DDHD2: variants seen among roughly 807,000 people sequenced by gnomAD.
The protein encoded by DDHD2 is triacylglycerol hydrolase DDHD2.
A neutral mutation model predicts 91.2 loss-of-function variants in DDHD2; 62 were observed. The observed-to-expected ratio is 0.68, with a 90% CI of 0.55 to 0.84. The LOEUF (loss-of-function observed/expected upper bound fraction) is 0.84. Ranked by LOEUF, DDHD2 falls within the 40% of genes least tolerant of loss-of-function variation. DDHD2 has a pLI of 0.00. For synonymous variants in DDHD2, 271 were observed against 293.9 expected (o/e 0.92, Z 0.80); for missense variants, 740 against 846.9 (o/e 0.87, Z 1.57).
intron 1 of DDHD2, chr8:38,268,997 G>A (rs1808222304): frequency 1.3e-6 from 2 of 1,577,752 alleles, no homozygotes; most frequent in South Asian, 2.3e-5. Context: ...CACCCTAGAG[G>A]GGAACAAAGA....
intron 5 of DDHD2, among the ~76,000 whole-genome samples, chr8:38,239,246 C>A (rs1046394213): frequency 6.6e-6 from 1 of 151,658 alleles, no homozygotes; most frequent in Non-Finnish European, 1.5e-5. Context: ...TGGTAGCACA[C>A]ATCTGTAGTC....
At position 38,231,656 on chromosome 8, in the gene DDHD2, C is replaced by G. The variant is rs1177772787; in HGVS notation, c.-212C>G. On this transcript the variant is annotated 5_prime_UTR_variant, in exon 1 of 18. Coordinates refer to ENST00000397166, the MANE Select transcript of DDHD2 (RefSeq NM_015214.3). ...GGTCGCGCGCCGCGCTCCCCGCCGC[C>G]TCACCTTTTCGCCTGGCATCCGGGC... 2.0e-5 allele frequency: 3 copies of G among 152,306 alleles called. No individual in the cohort carries two copies. The highest frequency in any genetic ancestry group is 4.4e-5 in the Non-Finnish European group (3 of 68,232). The allele number at this position is 152,306 out of a possible 1,614,324, so 9.4% of individuals were successfully genotyped here. A position where few individuals can be genotyped will look rare whatever the true frequency, so the allele number is the denominator to read the frequency against.
At chr8:38,272,929 T>A (rs1184814965), downstream of DDHD2, 2 of 152,222 alleles carry the variant, frequency 1.3e-5, no homozygotes, top group Non-Finnish European at 2.9e-5. Flanking sequence ...TAGGTCAACA[T>A]TGACGCTATG....
downstream of DDHD2, chr8:38,263,350 C>CT (rs1563321808): frequency 4.1e-6 from 4 of 980,364 alleles, no homozygotes; most frequent in Non-Finnish European, 3.6e-6. Flanking sequence ...ATGACGATAC[C>CT]TGTCATTTTT....
intron 7 of DDHD2, among the ~76,000 whole-genome samples, chr8:38,243,581 T>G (rs16887275): frequency 0.22 from 34,022 of 151,990 alleles, 3,980 homozygotes; most frequent in East Asian, 0.31. Context: ...TCTTCATACC[T>G]TATCTAATGC....
At chr8:38,267,933 C>A (rs1361185820) in intron 1 of DDHD2, 1 of 1,613,860 alleles carries the variant, frequency 6.2e-7, no homozygotes, top group Non-Finnish European at 8.5e-7. Flanking sequence ...GGTAAAGACG[C>A]CATTCAGAGC....
chr8:38,247,334 C>T (rs1364530098), intron 9 of DDHD2: 1 of 154,548 alleles, frequency 6.5e-6, no homozygotes, highest in East Asian at 1.9e-4. Context: ...GTTGGTCAGA[C>T]TGGTCTTGAA....
At chr8:38,269,272 C>T in intron 1 of DDHD2, 2 of 1,330,958 alleles carry the variant, frequency 1.5e-6, no homozygotes, top group Non-Finnish European at 1.9e-6. Context: ...GGGAACTGGG[C>T]ACCGCCCCCT....
intron 16 of DDHD2, among the ~76,000 whole-genome samples, chr8:38,256,367 A>G (rs986788819): frequency 2.0e-5 from 3 of 152,114 alleles, no homozygotes; most frequent in African/African-American, 7.2e-5. Context: ...CAGTGACACA[A>G]TCATGGCTCA....
downstream of DDHD2, chr8:38,267,334 C>CAAG (rs773275274): frequency 1.9e-6 from 3 of 1,614,010 alleles, no homozygotes; most frequent in Non-Finnish European, 2.5e-6. Context: ...CTGTACACAT[C>CAAG]AAGTCAGAAT....
intron 3 of DDHD2, among the ~76,000 whole-genome samples, chr8:38,234,965 CAGAAAA>C (rs1243858489): frequency 6.6e-6 from 1 of 151,830 alleles, no homozygotes; most frequent in Non-Finnish European, 1.5e-5. Context: ...TATCTTTCCT[CAGAAAA>C]AGAACAAAAC....
At chr8:38,233,927 CAA>C (rs201616340) in intron 2 of DDHD2, among the ~76,000 whole-genome samples, 5 of 121,578 alleles carry the variant, frequency 4.1e-5, no homozygotes, top group African/African-American at 3.1e-5. Context: ...AGACTTGTCT[CAA>C]AAAAAAAAAA....
chr8:38,246,031 C>T, intron 8 of DDHD2, 81 bp downstream of exon 8: 1 of 1,410,856 alleles, frequency 7.1e-7, no homozygotes, highest in Admixed American at 1.7e-5. Flanking sequence ...TGTCTTTTAT[C>T]AGTATGAAAT....
chr8:38,258,953 C>T (rs565974241), intron 16 of DDHD2, among the ~76,000 whole-genome samples: 2 of 152,154 alleles, frequency 1.3e-5, no homozygotes, highest in African/African-American at 4.8e-5. Context: ...CTTGTGCATA[C>T]GTAGAATAAT....
Position 38,253,012 on chromosome 8 carries a change from T to C in DDHD2, c.1776T>C (p.Gly592=). ...MSMDLKNNLL[G]SLRMAWKSFT... ...TGGACCTTAAGAACAACTTGCTAGGTTCGCTGCGGATGGCCTGGAAGTCTT... is the reference window on the plus strand; with the variant it reads ...TGGACCTTAAGAACAACTTGCTAGGCTCGCTGCGGATGGCCTGGAAGTCTT... Residue 592 remains glycine, a synonymous_variant, in exon 15 of 18, where the codon GGT becomes GGC. Transcript: ENST00000397166. The C allele has an allele frequency of 6.2e-7, 1 of 1,614,114 alleles. No homozygotes were observed. The highest frequency in any genetic ancestry group is 8.5e-7 in the Non-Finnish European group (1 of 1,180,008).
rs1804268559 is a variant in DDHD2, at chr8:38,231,756, T to G, written c.-112T>G. 6.6e-6 allele frequency: 1 copy of G among 152,104 alleles called. No individual in the cohort carries two copies. The highest frequency in any genetic ancestry group is 2.4e-5 in the African/African-American group (1 of 41,412). The allele number at this position is 152,104 out of a possible 1,614,324, so 9.4% of individuals were successfully genotyped here. Reference sequence around the variant, plus strand: ...CCCGGCGGGGCTGCAGGTTCCGCCCTGCTCCGCCGCGCCCCGCCCGGGCTG... The same window carrying G: ...CCCGGCGGGGCTGCAGGTTCCGCCCGGCTCCGCCGCGCCCCGCCCGGGCTG... On this transcript the variant is annotated 5_prime_UTR_variant, in exon 1 of 18. Coordinates refer to ENST00000397166, the MANE Select transcript of DDHD2 (RefSeq NM_015214.3).
downstream of DDHD2, chr8:38,267,685 T>C: frequency 1.6e-6 from 1 of 626,932 alleles, no homozygotes; most frequent in Non-Finnish European, 2.7e-6. Flanking sequence ...TGGCCGTTGG[T>C]GGGAAATGCT....
intron 10 of DDHD2, among the ~76,000 whole-genome samples, chr8:38,248,137 C>T (rs1479969349): frequency 2.0e-5 from 3 of 152,174 alleles, no homozygotes; most frequent in Non-Finnish European, 1.5e-5. Flanking sequence ...CTCTAATTTT[C>T]TGTTGTACTT....
At chr8:38,235,491 G>A (rs1804643791) in intron 3 of DDHD2, among the ~76,000 whole-genome samples, 1 of 152,094 alleles carries the variant, frequency 6.6e-6, no homozygotes, top group Admixed American at 6.6e-5. Flanking sequence ...GGGGGCTGAG[G>A]TGGGCGGATC....
Sources: gnomAD v4.1 joint callset for allele counts (sites outside exome capture counted in the v4.1 genomes callset) on GRCh38, gnomAD v4.1.1 for gene constraint, MANE v1.5 for transcripts, NCBI Gene and HGNC (gene_info 2026-07-23, HGNC 2026-07-21) for gene names.